NTM: variants seen among roughly 807,000 people sequenced by gnomAD.
The protein encoded by NTM is neurotrimin.
NTM carries 13 observed loss-of-function variants against 42.1 expected under a neutral mutation model. The ratio of observed to expected loss-of-function variants is 0.31; its 90% CI spans 0.20 to 0.49. NTM has a LOEUF of 0.49. Among genes scored for constraint, NTM ranks in the 20% least tolerant of loss-of-function variants. The pLI, the probability that NTM is intolerant of heterozygous loss-of-function variation, is 0.99. For missense variants in NTM, 373 were observed against 452.8 expected, an observed-to-expected ratio of 0.82 and a Z score of 1.60; for synonymous variants, 187 against 179.2, an observed-to-expected ratio of 1.04 and a Z score of -0.35.
chr11:131,603,086 T>C (rs1009653737), intron 1 of NTM, among the ~76,000 whole-genome samples: 1 of 152,206 alleles, frequency 6.6e-6, no homozygotes, highest in Admixed American at 6.5e-5. Context: ...GTGTCACTCC[T>C]TTGCTCGATC....
rs183462952 is a variant in NTM at position 131,959,453 on chromosome 11, C to T, written c.167+47805C>T. Among the ~76,000 whole-genome samples, 118 of 151,994 alleles carry T rather than the reference C, an allele frequency of 7.8e-4. 2 individuals carry two copies. The highest frequency in any genetic ancestry group is 3.4e-3 in the Middle Eastern group (1 of 294). Reference sequence around the variant, plus strand: ...GACCAGCCTGGGCAACATAGAGAAACCCCATCTTTACAAAATAAAATAATT... The same window carrying T: ...GACCAGCCTGGGCAACATAGAGAAATCCCATCTTTACAAAATAAAATAATT... On this transcript the variant is annotated intron_variant, in intron 2 of 8. Transcript: ENST00000683400.
Position 132,136,174 on chromosome 11 carries a change from T to C in NTM, c.168-10108T>C, listed in dbSNP as rs149963246. On this transcript the variant is annotated intron_variant, in intron 2 of 8. Coordinates refer to ENST00000683400, the MANE Select transcript of NTM (RefSeq NM_001352005.2). ...TCCAGCCCCTGCAGTGTGTATTGCA[T>C]GTTGGTCCTGCTCTCCTGTCCCACC... is the stretch of plus-strand genomic sequence containing the variant. Among the ~76,000 whole-genome samples the C allele has an allele frequency of 3.5e-3, 534 of 152,260 alleles. 2 individuals carry two copies. The highest frequency in any genetic ancestry group is 0.012 in the African/African-American group (509 of 41,534).
chr11:131,384,687 A>G (rs1565448548), intron 1 of NTM, among the ~76,000 whole-genome samples: 1 of 152,170 alleles, frequency 6.6e-6, no homozygotes, highest in African/African-American at 2.4e-5. Flanking sequence ...GGAGTGGCGA[A>G]TCCTGAGAAT....
At chr11:132,129,440 G>A (rs2066437205) in intron 2 of NTM, among the ~76,000 whole-genome samples, 1 of 152,166 alleles carries the variant, frequency 6.6e-6, no homozygotes, top group Non-Finnish European at 1.5e-5. Context: ...TTCCCAATCA[G>A]CCGATGTATC....
intron 1 of NTM, among the ~76,000 whole-genome samples, chr11:131,502,495 A>AG (rs2046957212): frequency 1.3e-5 from 2 of 152,222 alleles, no homozygotes; most frequent in East Asian, 3.9e-4. Context: ...AATGAGGCTG[A>AG]GGGGAGGCAG....
intron 1 of NTM, among the ~76,000 whole-genome samples, chr11:131,622,809 C>T (rs2062711877): frequency 3.9e-5 from 6 of 152,156 alleles, no homozygotes; most frequent in Admixed American, 3.9e-4. Context: ...CTTGAGCTAA[C>T]AAGCTGAGCA....
Position 132,246,877 on chromosome 11 carries a change from G to C in NTM, c.526+34730G>C, listed in dbSNP as rs955065089. On this transcript the variant is annotated intron_variant, in intron 4 of 8. Transcript: ENST00000683400. ...TGATGCCTACAGCAGGCAAGAGCCC[G>C]GCCACCCTCTCTAGCCCCAGGCTCA... 6.6e-5 allele frequency among the ~76,000 whole-genome samples: 10 copies of C among 152,320 alleles called. 1 individual carries two copies. Among genetic ancestry groups the C allele is most frequent in the Admixed American group, 6.5e-4 (10 of 15,312 alleles).
chr11:131,652,720 G>A (rs1271666367), intron 1 of NTM, among the ~76,000 whole-genome samples: 1 of 152,192 alleles, frequency 6.6e-6, no homozygotes, highest in Non-Finnish European at 1.5e-5. Flanking sequence ...TGGGCAGCGG[G>A]ACTTAGACCT....
At chr11:131,857,320 T>C (rs1207284303) in intron 1 of NTM, among the ~76,000 whole-genome samples, 2 of 152,204 alleles carry the variant, frequency 1.3e-5, no homozygotes, top group Admixed American at 6.5e-5. Context: ...CTTCCCCGAA[T>C]ATGCCTTGCC....
intron 4 of NTM, among the ~76,000 whole-genome samples, chr11:132,268,600 A>C (rs925770477): frequency 3.5e-5 from 5 of 143,924 alleles, no homozygotes; most frequent in Non-Finnish European, 6.1e-5. Flanking sequence ...GGATGTGTGG[A>C]GTGTGGTCTC....
Position 132,244,001 on chromosome 11 carries a change from G to T in NTM, c.526+31854G>T, listed in dbSNP as rs73040288. The stretch of plus-strand genomic sequence containing the variant: ...GCCATCCCGTCTCATGGGCTCTCAT[G>T]ATGGGCTCATCAGGTTCTTGAATTC... On this transcript the variant is annotated intron_variant, in intron 4 of 8. Transcript: ENST00000683400. 4.6e-4 allele frequency among the ~76,000 whole-genome samples: 70 copies of T among 152,322 alleles called. 1 individual carries two copies. The highest frequency in any genetic ancestry group is 8.8e-4 in the Non-Finnish European group (60 of 68,034).
chr11:132,212,467 A>G (rs954209877), intron 4 of NTM, among the ~76,000 whole-genome samples: 5 of 152,162 alleles, frequency 3.3e-5, no homozygotes, highest in African/African-American at 1.2e-4. Context: ...TTTAGTGGCA[A>G]TTGTTCAGCT....
chr11:132,181,955 TTTATTATTATTA>T (rs56263428), intron 3 of NTM, among the ~76,000 whole-genome samples: 49 of 141,010 alleles, frequency 3.5e-4, no homozygotes, highest in Middle Eastern at 3.7e-3. Flanking sequence ...CACTATCTAG[TTTATTATTATTA>T]TTATTATTAT....
rs565891819 is a variant in NTM at position 132,092,609 on chromosome 11, G to T, written c.168-53673G>T. 5.3e-5 allele frequency among the ~76,000 whole-genome samples: 8 copies of T among 152,260 alleles called. No homozygotes were observed. In the East Asian group the frequency reaches 7.7e-4, roughly 15 times the overall value. The stretch of plus-strand genomic sequence containing the variant: ...CTTGTTGAGTCCATCATGCTCCAAG[G>T]TTCCAGTGCCAGCTATATGCTGATG... On this transcript the variant is annotated intron_variant, in intron 2 of 8. Transcript: ENST00000683400.
chr11:131,587,830 G>A (rs575861974), intron 1 of NTM, among the ~76,000 whole-genome samples: 14 of 152,294 alleles, frequency 9.2e-5, no homozygotes, highest in African/African-American at 3.4e-4. Context: ...CAGCATGAAA[G>A]AAGAGGTGGT....
At chr11:132,276,331 GATTTC>G (rs1366604990) in intron 4 of NTM, among the ~76,000 whole-genome samples, 1 of 152,078 alleles carries the variant, frequency 6.6e-6, no homozygotes, top group African/African-American at 2.4e-5. Context: ...TTGACATGCT[GATTTC>G]ATTTCCTTTA....
chr11:131,733,681 A>G (rs2080029294), intron 1 of NTM, among the ~76,000 whole-genome samples: 1 of 152,024 alleles, frequency 6.6e-6, no homozygotes, highest in Admixed American at 6.6e-5. Flanking sequence ...GATTACAGGC[A>G]CACGCCACTA....
chr11:131,453,826 A>T (rs1248777871), intron 1 of NTM, among the ~76,000 whole-genome samples: 2 of 152,186 alleles, frequency 1.3e-5, no homozygotes, highest in African/African-American at 2.4e-5. Flanking sequence ...CAACATCCAC[A>T]TGTCCCTCCC....
At chr11:131,464,365 G>A (rs538895178) in intron 1 of NTM, among the ~76,000 whole-genome samples, 20 of 152,022 alleles carry the variant, frequency 1.3e-4, no homozygotes, top group Non-Finnish European at 2.8e-4. Context: ...AAGCTGGGGG[G>A]GGGGCAGCAA....
Sources: allele counts gnomAD v4.1 joint callset (sites outside exome capture counted in the v4.1 genomes callset), GRCh38; gene constraint gnomAD v4.1.1; transcripts MANE v1.5; gene names NCBI Gene and HGNC (gene_info 2026-07-23, HGNC 2026-07-21).